Variants in GPC5 observed in about 807,000 individuals in gnomAD.
GPC5 encodes the protein glypican 5, also known as glypican-5.
In GPC5, 47 loss-of-function variants were observed where a neutral mutation model predicts 53.9. That is an observed-to-expected ratio of 0.87 (90% CI 0.69 to 1.11). The LOEUF (loss-of-function observed/expected upper bound fraction) is 1.11. Ranked by LOEUF, GPC5 falls within the 50% of genes most tolerant of loss-of-function variation. The pLI is 0.00. For synonymous variants in GPC5, 286 were observed against 263.3 expected (o/e 1.09, Z -0.84); for missense variants, 748 against 713.1 (o/e 1.05, Z -0.56).
chr13:92,029,943 G>T (rs2040828182), intron 6 of GPC5, among the ~76,000 whole-genome samples: 1 of 151,958 alleles, frequency 6.6e-6, no homozygotes, highest in Admixed American at 6.6e-5. Context: ...CCTTACCGAA[G>T]GAAACTGAAA....
chr13:92,653,101 A>G (rs1886008955), intron 7 of GPC5, among the ~76,000 whole-genome samples: 1 of 152,158 alleles, frequency 6.6e-6, no homozygotes, highest in Non-Finnish European at 1.5e-5. Context: ...GAGGGAAGAA[A>G]GTAAGCCAAT....
At chr13:91,798,384 C>T (rs1256265765) in intron 5 of GPC5, among the ~76,000 whole-genome samples, 2 of 152,132 alleles carry the variant, frequency 1.3e-5, no homozygotes, top group South Asian at 2.1e-4. Context: ...TTGTTCCCCA[C>T]CATGTGTCCA....
intron 7 of GPC5, among the ~76,000 whole-genome samples, chr13:92,525,271 G>A (rs570786990): frequency 1.3e-5 from 2 of 152,172 alleles, no homozygotes; most frequent in South Asian, 4.1e-4. Flanking sequence ...ACAGTGGAGA[G>A]ATTTTGCGCT....
At chr13:92,598,430 G>A (rs1883945719) in intron 7 of GPC5, among the ~76,000 whole-genome samples, 1 of 151,434 alleles carries the variant, frequency 6.6e-6, no homozygotes, top group Non-Finnish European at 1.5e-5. Flanking sequence ...ATCCTTATGT[G>A]TTGCTTTTCT....
chr13:92,437,016 A>G (rs1594201525), intron 7 of GPC5, among the ~76,000 whole-genome samples: 1 of 152,230 alleles, frequency 6.6e-6, no homozygotes, highest in East Asian at 1.9e-4. Flanking sequence ...TGTTTTGTAA[A>G]TAGAATGAGA....
At chr13:92,599,608 G>A (rs1883983232) in intron 7 of GPC5, among the ~76,000 whole-genome samples, 1 of 152,188 alleles carries the variant, frequency 6.6e-6, no homozygotes, top group Non-Finnish European at 1.5e-5. Flanking sequence ...TGACAGAGCA[G>A]AACTATTGAT....
chr13:92,042,220 A>T (rs2040947301), intron 6 of GPC5, among the ~76,000 whole-genome samples: 1 of 152,120 alleles, frequency 6.6e-6, no homozygotes, highest in African/African-American at 2.4e-5. Flanking sequence ...GTGGAACTTA[A>T]CAACCACATA....
intron 7 of GPC5, among the ~76,000 whole-genome samples, chr13:92,401,902 A>C (rs1875575546): frequency 6.6e-6 from 1 of 152,166 alleles, no homozygotes; most frequent in Non-Finnish European, 1.5e-5. Context: ...AGTGGCTTAA[A>C]ATGACATCTT....
chr13:92,599,413 A>G (rs1322106966), intron 7 of GPC5, among the ~76,000 whole-genome samples: 2 of 152,020 alleles, frequency 1.3e-5, no homozygotes, highest in African/African-American at 4.8e-5. Flanking sequence ...GGTGTTCTAA[A>G]TAGAAGGAAG....
Position 91,558,227 on chromosome 13 carries a change from GTA to G in GPC5, c.325+109307_325+109308del, listed in dbSNP as rs200500802. ...TTGTTACTCTTGGTAAGTACCATGT[GTA>G]TTTGCTCACAGTCTTATCATCTGGG... On this transcript the variant is annotated intron_variant, in intron 2 of 7. Transcript: ENST00000377067. 9.9e-4 allele frequency among the ~76,000 whole-genome samples: 151 copies of G among 152,136 alleles called. 2 individuals are homozygous for G. In the East Asian group the frequency reaches 0.025, roughly 25 times the overall value.
At chr13:91,804,163 A>C (rs1416070624) in intron 5 of GPC5, among the ~76,000 whole-genome samples, 1 of 152,208 alleles carries the variant, frequency 6.6e-6, no homozygotes, top group Non-Finnish European at 1.5e-5. Flanking sequence ...TGAACAAAAT[A>C]TATTTGGGTT....
chr13:92,797,819 TGATAGATAGATA>T lies in GPC5; in HGVS notation c.1562-68423_1562-68412del, dbSNP rs10553721. ...AGATAGATAAAAGATATTCAAGGGATGATAGATAGATAGATAGATAGATAGATAGATAGATAG... is the reference window on the plus strand; with the variant it reads ...AGATAGATAAAAGATATTCAAGGGATGATAGATAGATAGATAGATAGATAG... On this transcript the variant is annotated intron_variant, in intron 7 of 7. Coordinates refer to ENST00000377067, the MANE Select transcript of GPC5 (RefSeq NM_004466.6). Among the ~76,000 whole-genome samples the T allele has an allele frequency of 7.1e-3, 1,021 of 143,602 alleles. 7 individuals are homozygous for T. Among genetic ancestry groups the T allele is most frequent in the East Asian group, 0.014 (66 of 4,728 alleles). 94.2% of individuals were successfully genotyped at this position (143,602 alleles called of 152,430 possible). A position where few individuals can be genotyped will look rare whatever the true frequency, so the allele number is the denominator to read the frequency against.
At chr13:92,027,834 C>T (rs1484424203) in intron 6 of GPC5, among the ~76,000 whole-genome samples, 2 of 152,138 alleles carry the variant, frequency 1.3e-5, no homozygotes, top group Non-Finnish European at 2.9e-5. Context: ...CAACACTGCA[C>T]ACAACAGTCA....
At chr13:92,269,625 C>A (rs993142518) in intron 7 of GPC5, among the ~76,000 whole-genome samples, 1 of 152,132 alleles carries the variant, frequency 6.6e-6, no homozygotes, top group Non-Finnish European at 1.5e-5. Context: ...CCAGGATGGT[C>A]TCGATCTCCT....
At chr13:92,470,728 CA>C (rs1206226177) in intron 7 of GPC5, among the ~76,000 whole-genome samples, 2 of 152,094 alleles carry the variant, frequency 1.3e-5, no homozygotes, top group Non-Finnish European at 2.9e-5. Flanking sequence ...GTCTGAAAAA[CA>C]ATCTGATTAT....
chr13:91,790,924 C>T (rs976919822), intron 5 of GPC5, among the ~76,000 whole-genome samples: 7 of 151,924 alleles, frequency 4.6e-5, no homozygotes, highest in African/African-American at 1.7e-4. Flanking sequence ...CCGTGTTTCT[C>T]CTCATCTTTT....
intron 7 of GPC5, among the ~76,000 whole-genome samples, chr13:92,758,604 T>C (rs1403547775): frequency 6.6e-6 from 1 of 152,224 alleles, no homozygotes; most frequent in Non-Finnish European, 1.5e-5. Context: ...TTGGCTGTTA[T>C]AGCCATTTAG....
rs2035907451 is a variant in GPC5, at chr13:91,697,614, A to G, written c.1020+3733A>G. ...GACAAGTCTCTAACGTATTTTTAAT[A>G]TTAACGGATTAATATTAAAATGTTA... On this transcript the variant is annotated intron_variant, in intron 3 of 7. Transcript: ENST00000377067. Among the ~76,000 whole-genome samples the G allele has an allele frequency of 4.6e-5, 7 of 152,302 alleles. No individual in the cohort carries two copies. The South Asian group carries it at 8.3e-4, about 18-fold the overall frequency.
chr13:92,514,709 T>A (rs968538890), intron 7 of GPC5, among the ~76,000 whole-genome samples: 1 of 152,168 alleles, frequency 6.6e-6, no homozygotes, highest in South Asian at 2.1e-4. Flanking sequence ...CCAGATGCTT[T>A]GTGAGGGGCG....
Sources: allele counts gnomAD v4.1 joint callset (sites outside exome capture counted in the v4.1 genomes callset), GRCh38; gene constraint gnomAD v4.1.1; transcripts MANE v1.5; gene names NCBI Gene and HGNC (gene_info 2026-07-23, HGNC 2026-07-21).